The following SHANK1 variants were observed in gnomAD, a reference collection of about 807,000 sequenced individuals.
SHANK1 encodes SH3 and multiple ankyrin repeat domains 1, also known as SH3 and multiple ankyrin repeat domains protein 1.
A neutral mutation model predicts 165.6 loss-of-function variants in SHANK1; 35 were observed. That is an observed-to-expected ratio of 0.21 (90% CI 0.16 to 0.28). The LOEUF is 0.28. SHANK1 is among the 10% of genes least tolerant of loss of function. SHANK1 has a pLI of 1.00. For missense variants in SHANK1, 2,681 were observed against 3,036.4 expected, an observed-to-expected ratio of 0.88 and a Z score of 2.75; for synonymous variants, 1,428 against 1,384.8, an observed-to-expected ratio of 1.03 and a Z score of -0.69.
At chr19:50,719,054 G>T (rs2089102632) in intron 1 of SHANK1, among the ~76,000 whole-genome samples, 1 of 150,760 alleles carries the variant, frequency 6.6e-6, no homozygotes, top group African/African-American at 2.4e-5. Context: ...GCCCAGGTAC[G>T]CCAGGGAGGG....
chr19:50,668,633 C>T lies in SHANK1; in HGVS notation c.3327G>A (p.Pro1109=). 3 of 1,368,548 alleles carry T rather than the reference C, an allele frequency of 2.2e-6. No homozygotes were observed. The highest frequency in any genetic ancestry group is 2.8e-6 in the Non-Finnish European group (3 of 1,058,560). The allele number at this position is 1,368,548 out of a possible 1,614,324, so 84.8% of individuals were successfully genotyped here. A position where few individuals can be genotyped will look rare whatever the true frequency, so the allele number is the denominator to read the frequency against. Residue 1109 remains proline, a synonymous_variant, in exon 23 of 24, where the codon CCG becomes CCA. Coordinates refer to ENST00000293441, the MANE Select transcript of SHANK1 (RefSeq NM_016148.5). The part of the protein sequence containing the change: ...PARSGRGRKG[P]LVKQTKVEGE... ...CTTCCACCTTGGTCTGCTTGACCAG[C>T]GGGCCCTTGCGGCCGCGGCCCGAGC...
Position 50,670,119 on chromosome 19 carries a change from G to C in SHANK1, c.2675-834C>G, listed in dbSNP as rs926680874. Among the ~76,000 whole-genome samples, 1 of 151,960 alleles carries C rather than the reference G, an allele frequency of 6.6e-6. No individual in the cohort carries two copies. The highest frequency in any genetic ancestry group is 2.4e-5 in the African/African-American group (1 of 41,350). ...CCCACACCCAGCTGGCTGTCTCACG[G>C]GCATCTCAGACTCCAAACGCTCCAA... On this transcript the variant is annotated intron_variant, in intron 22 of 23. Coordinates refer to ENST00000293441, the MANE Select transcript of SHANK1 (RefSeq NM_016148.5). This position sits in a 1 kb window ranked among gnomAD's most constrained non-coding sequence, Gnocchi z 4.1.
At chr19:50,665,003 C>T (rs1008725585) in intron 23 of SHANK1, among the ~76,000 whole-genome samples, 11 of 152,136 alleles carry the variant, frequency 7.2e-5, no homozygotes, top group South Asian at 2.1e-4. Context: ...ATGATCCACC[C>T]GCCTCAGCCT....
Position 50,716,538 on chromosome 19 carries a change from G to C in SHANK1, c.256-60C>G. The C allele has an allele frequency of 1.9e-6, 3 of 1,591,792 alleles. No homozygotes were observed. The highest frequency in any genetic ancestry group is 1.7e-6 in the Non-Finnish European group (2 of 1,165,080). On this transcript the variant is annotated intron_variant, in intron 2 of 23. Coordinates refer to ENST00000293441, the MANE Select transcript of SHANK1 (RefSeq NM_016148.5). This position sits in a 1 kb window ranked among gnomAD's most constrained non-coding sequence, Gnocchi z 8.4. Reference sequence around the variant, plus strand: ...AGGGGCCAGAGGAGAGCCTGAGGTGGGTTGGGAAGTGAGCCAGGAGCTGAG... The same window carrying C: ...AGGGGCCAGAGGAGAGCCTGAGGTGCGTTGGGAAGTGAGCCAGGAGCTGAG...
Position 50,716,879 on chromosome 19 carries a change from T to C in SHANK1, c.41A>G (p.His14Arg), listed in dbSNP as rs865840319. Residue 14 changes from histidine (H) to arginine (R), a missense_variant, in exon 2 of 24, where the codon CAC becomes CGC. His to Arg is a conservative substitution (Grantham distance 29, BLOSUM62 0). Transcript: ENST00000293441. The surrounding 1 kb of genome is among the most constrained non-coding windows in gnomAD (Gnocchi z 8.4). Reference protein sequence around the residue: ...SPATSEDEERHSASECPEGGS... With the variant: ...SPATSEDEERRSASECPEGGS... ...CCCCTCGGGACACTCGCTGGCACTGTGGCGTTCCTCGTCCTCGCTTGTCGC... is the reference window on the plus strand; with the variant it reads ...CCCCTCGGGACACTCGCTGGCACTGCGGCGTTCCTCGTCCTCGCTTGTCGC... The C allele has an allele frequency of 6.7e-7, 1 of 1,485,108 alleles. No homozygotes were observed. The allele number at this position is 1,485,108 out of a possible 1,614,324, so 92.0% of individuals were successfully genotyped here. A position where few individuals can be genotyped will look rare whatever the true frequency, so the allele number is the denominator to read the frequency against.
chr19:50,719,020 G>A (rs959647336), intron 1 of SHANK1, among the ~76,000 whole-genome samples: 8 of 151,762 alleles, frequency 5.3e-5, no homozygotes, highest in Non-Finnish European at 1.2e-4. Context: ...AGGGGAGTGG[G>A]GACCAGGGTG....
In SHANK1 at chr19:50,697,601, A is replaced by G. The variant is rs776293768; in HGVS notation, c.1925T>C (p.Phe642Ser). ...TAAGGACATTTACCTTGGGGCATCA[A>G]AGCTGTCGTAGGAGCCCACGGTATA... ...RHYTVGSYDS[F>S]DAPSLMDGIG... The change falls in exon 14 of 24, where the codon TTT (phenylalanine) becomes TCT (serine). Residue 642 changes from phenylalanine (F) to serine (S), a missense_variant. Around this residue, in one of 10 missense-constraint regions of SHANK1, gnomAD observed 147 missense variants for 256.5 expected, o/e 0.57. Transcript: ENST00000293441. The surrounding 1 kb of genome is among the most constrained non-coding windows in gnomAD (Gnocchi z 4.7). 5.6e-6 allele frequency: 9 copies of G among 1,613,950 alleles called. No individual in the cohort carries two copies. The South Asian group carries it at 6.6e-5, about 12-fold the overall frequency.
intron 22 of SHANK1, among the ~76,000 whole-genome samples, chr19:50,669,510 G>C (rs1032516799): frequency 1.3e-5 from 2 of 152,268 alleles, no homozygotes. Context: ...CAAGGAAGGT[G>C]AGGAAACTGA....
At chr19:50,709,153 T>A (rs1012821318) in intron 8 of SHANK1, among the ~76,000 whole-genome samples, 1 of 152,356 alleles carries the variant, frequency 6.6e-6, no homozygotes. Flanking sequence ...TTATTTATTT[T>A]TTTGAGACGG....
rs117809831 is a variant in SHANK1, at chr19:50,697,549, T to G, written c.1937+40A>C. ...AAAGGTGTACATTGTGAAGGGAACT[T>G]GGGGTGAGGGGGGTTGCCCGAGGGT... On this transcript the variant is annotated intron_variant, in intron 14 of 23. Coordinates refer to ENST00000293441, the MANE Select transcript of SHANK1 (RefSeq NM_016148.5). The surrounding 1 kb of genome is among the most constrained non-coding windows in gnomAD (Gnocchi z 4.7). 703 of 1,457,826 alleles carry G rather than the reference T, an allele frequency of 4.8e-4. 7 individuals carry two copies. The East Asian group carries it at 0.012, about 25-fold the overall frequency. The allele number at this position is 1,457,826 out of a possible 1,614,324, so 90.3% of individuals were successfully genotyped here.
chr19:50,672,834 A>G (rs975442324), intron 21 of SHANK1, among the ~76,000 whole-genome samples: 1 of 152,074 alleles, frequency 6.6e-6, no homozygotes, highest in Admixed American at 6.6e-5. Context: ...GCATCTTTCA[A>G]AAAGCATGCT....
intron 15 of SHANK1, among the ~76,000 whole-genome samples, chr19:50,691,801 C>T (rs1986546551): frequency 6.6e-6 from 1 of 152,186 alleles, no homozygotes; most frequent in Non-Finnish European, 1.5e-5. Context: ...TTCAGCTTCC[C>T]AAGTACCTAG....
chr19:50,686,850 C>T lies in SHANK1; in HGVS notation c.2390-38G>A, dbSNP rs759383982. On this transcript the variant is annotated intron_variant, in intron 19 of 23. Transcript: ENST00000293441. This position sits in a 1 kb window ranked among gnomAD's most constrained non-coding sequence, Gnocchi z 5.7. Reference sequence around the variant, plus strand: ...AACACGGATGACGCCCAGGGAGCCCCCGGGGGCGGGGCGGAGCGGGCTCGG... The same window carrying T: ...AACACGGATGACGCCCAGGGAGCCCTCGGGGGCGGGGCGGAGCGGGCTCGG... 9 of 1,611,324 alleles carry T rather than the reference C, an allele frequency of 5.6e-6. No homozygotes were observed. The South Asian group carries it at 9.9e-5, about 18-fold the overall frequency.
chr19:50,687,740 G>C, intron 18 of SHANK1, 78 bp from the exon 19 acceptor site: 2 of 1,383,244 alleles, frequency 1.4e-6, no homozygotes, highest in Non-Finnish European at 1.9e-6. Context: ...AGGGCTCCCA[G>C]GGCTCAGAGA....
Position 50,703,704 on chromosome 19 carries a change from AC to A in SHANK1, c.1348del (p.Val450CysfsTer113). The A allele has an allele frequency of 6.8e-7, 1 of 1,461,538 alleles. No homozygotes were observed. The highest frequency in any genetic ancestry group is 9.0e-7 in the Non-Finnish European group (1 of 1,108,882). The allele number at this position is 1,461,538 out of a possible 1,614,324, so 90.5% of individuals were successfully genotyped here. ...DTSMALPDWM[V>X]FSAPGAASSG... ...GGACGCGGCCCCCGGGGCGGAGAACACCATCCAGTCGGGCAGCGCCATGCTG... is the reference window on the plus strand; with the variant it reads ...GGACGCGGCCCCCGGGGCGGAGAACACATCCAGTCGGGCAGCGCCATGCTG... On this transcript the variant is annotated frameshift_variant, in exon 11 of 24. Transcript: ENST00000293441. LOFTEE classifies it high-confidence loss of function.
At chr19:50,709,466 C>G (rs956017828) in intron 8 of SHANK1, among the ~76,000 whole-genome samples, 2 of 152,058 alleles carry the variant, frequency 1.3e-5, no homozygotes, top group Non-Finnish European at 2.9e-5. Context: ...AATTATTGAC[C>G]CATTTCACAG....
intron 15 of SHANK1, among the ~76,000 whole-genome samples, chr19:50,695,596 C>T (rs1986714889): frequency 6.6e-6 from 1 of 150,760 alleles, no homozygotes; most frequent in African/African-American, 2.4e-5. Flanking sequence ...GGAGGCACAA[C>T]ATCACACAAG....
intron 21 of SHANK1, among the ~76,000 whole-genome samples, chr19:50,685,753 AAAAAT>A (rs1362199614): frequency 2.0e-5 from 3 of 152,096 alleles, no homozygotes; most frequent in African/African-American, 7.2e-5. Flanking sequence ...ATAAAAATTG[AAAAAT>A]AAAATAAAAT....
intron 21 of SHANK1, among the ~76,000 whole-genome samples, chr19:50,684,337 C>G (rs1467404063): frequency 2.0e-5 from 3 of 151,942 alleles, no homozygotes; most frequent in Non-Finnish European, 2.9e-5. Context: ...GCGATTCTCT[C>G]GCCTCAGCCT....
Sources: allele counts gnomAD v4.1 joint callset (sites outside exome capture counted in the v4.1 genomes callset), GRCh38; gene constraint gnomAD v4.1.1; regional missense constraint gnomAD v4.1.1; non-coding constraint Gnocchi (gnomAD v3.1); transcripts MANE v1.5; gene names NCBI Gene and HGNC (gene_info 2026-07-23, HGNC 2026-07-21).